Variants in FYTTD1 observed in about 807,000 individuals in gnomAD.
FYTTD1 encodes forty-two-three domain containing 1, also known as UAP56-interacting factor.
FYTTD1 carries 22 observed loss-of-function variants against 40.9 expected under a neutral mutation model. That is an observed-to-expected ratio of 0.54 (90% CI 0.38 to 0.77). The LOEUF is 0.77. Ranked by LOEUF, FYTTD1 falls within the 30% of genes least tolerant of loss-of-function variation. The probability of loss-of-function intolerance (pLI) is 0.00; values close to 1 mark genes in which losing one functional copy is unlikely to be tolerated. For synonymous variants in FYTTD1, 140 were observed against 137.9 expected, an observed-to-expected ratio of 1.01 and a Z score of -0.10; for missense variants, 351 against 392.2, an observed-to-expected ratio of 0.90 and a Z score of 0.89.
At position 197,771,281 on chromosome 3, in the gene FYTTD1, A is replaced by C. The variant is rs575546656; in HGVS notation, c.497+1037A>C. ...AGTAGATGAAGTTGATGAGGTGTGA[A>C]GTTTCCTTATTCAGTTTCAAGTATT... On this transcript the variant is annotated intron_variant, in intron 4 of 8. Transcript: ENST00000241502. 2.0e-5 allele frequency among the ~76,000 whole-genome samples: 3 copies of C among 152,316 alleles called. No individual in the cohort carries two copies. The East Asian group carries it at 5.8e-4, about 29-fold the overall frequency.
At chr3:197,755,257 A>G (rs763429581) in intron 1 of FYTTD1, among the ~76,000 whole-genome samples, 14 of 152,192 alleles carry the variant, frequency 9.2e-5, no homozygotes, top group Non-Finnish European at 1.8e-4. Context: ...GTCTGTTTCC[A>G]TCAGTACTTT....
chr3:197,749,947 C>T lies in FYTTD1; in HGVS notation c.-25C>T, dbSNP rs376413160. 1.8e-5 allele frequency: 28 copies of T among 1,513,876 alleles called. No homozygotes were observed. Among genetic ancestry groups the T allele is most frequent in the Non-Finnish European group, 2.5e-5 (28 of 1,117,298 alleles). The allele number at this position is 1,513,876 out of a possible 1,614,324, so 93.8% of individuals were successfully genotyped here. A position where few individuals can be genotyped will look rare whatever the true frequency, so the allele number is the denominator to read the frequency against. ...CTGCGACTCCGGCCTTGTCCGCGCCCGCTCTCGGCGCGACGTCTCCAGCCA... is the reference window on the plus strand; with the variant it reads ...CTGCGACTCCGGCCTTGTCCGCGCCTGCTCTCGGCGCGACGTCTCCAGCCA... On this transcript the variant is annotated 5_prime_UTR_variant, in exon 1 of 9. Coordinates refer to ENST00000241502, the MANE Select transcript of FYTTD1 (RefSeq NM_032288.7).
chr3:197,752,717 T>C (rs1318316020), intron 1 of FYTTD1, among the ~76,000 whole-genome samples: 2 of 152,234 alleles, frequency 1.3e-5, no homozygotes, highest in East Asian at 1.9e-4. Context: ...TGTATGTCTA[T>C]ATATGGCTTG....
intron 2 of FYTTD1, among the ~76,000 whole-genome samples, chr3:197,760,570 C>T (rs1378141582): frequency 6.6e-6 from 1 of 150,844 alleles, no homozygotes; most frequent in Admixed American, 6.6e-5. Context: ...GAGTGTTTTT[C>T]AATGGTAGAA....
At chr3:197,756,635 C>T (rs1275055146) in intron 2 of FYTTD1, 78 bp downstream of exon 2, 17 of 1,282,822 alleles carry the variant, frequency 1.3e-5, no homozygotes, top group East Asian at 4.6e-5. Context: ...ATATGCTTAA[C>T]GTGGAGGAAT....
At chr3:197,776,608 G>A (rs1729883014) in intron 6 of FYTTD1, among the ~76,000 whole-genome samples, 2 of 151,986 alleles carry the variant, frequency 1.3e-5, no homozygotes, top group South Asian at 4.1e-4. Context: ...TAAAAGTGCT[G>A]CCTCTGGAGA....
intron 2 of FYTTD1, among the ~76,000 whole-genome samples, chr3:197,759,952 GT>G (rs1379941793): frequency 4.8e-5 from 7 of 146,598 alleles, no homozygotes; most frequent in African/African-American, 1.9e-4. Context: ...AATGTATAGA[GT>G]TGTTCCTCAG....
At chr3:197,764,133 C>T (rs1306905076) in intron 2 of FYTTD1, among the ~76,000 whole-genome samples, 1 of 152,126 alleles carries the variant, frequency 6.6e-6, no homozygotes, top group Non-Finnish European at 1.5e-5. Flanking sequence ...TGTGGGTACT[C>T]TGGAACTCTG....
chr3:197,756,875 C>T (rs536862694), intron 2 of FYTTD1, among the ~76,000 whole-genome samples: 2 of 152,268 alleles, frequency 1.3e-5, no homozygotes, highest in Admixed American at 6.5e-5. Context: ...GTGAGATGTT[C>T]CTTTAACAGT....
intron 2 of FYTTD1, among the ~76,000 whole-genome samples, chr3:197,767,175 C>G (rs1208675124): frequency 2.0e-5 from 3 of 151,928 alleles, no homozygotes; most frequent in African/African-American, 7.2e-5. Flanking sequence ...GAGTCTCGCT[C>G]TTCGCCCAGG....
At position 197,779,285 on chromosome 3, in the gene FYTTD1, C is replaced by T. The variant is rs554524283; in HGVS notation, c.858+821C>T. On this transcript the variant is annotated intron_variant, in intron 8 of 8. Transcript: ENST00000241502. ...CAAAAATTAGCCTGGTGTGGTGGCT[C>T]ATGCCTGTAATCCCAGCTACTAAGG... 1.7e-4 allele frequency among the ~76,000 whole-genome samples: 26 copies of T among 152,094 alleles called. No individual in the cohort carries two copies. The South Asian group carries it at 5.2e-3, about 30-fold the overall frequency.
chr3:197,778,656 T>G (rs1417014434), intron 8 of FYTTD1, among the ~76,000 whole-genome samples, 192 bp downstream of exon 8: 1 of 152,252 alleles, frequency 6.6e-6, no homozygotes, highest in African/African-American at 2.4e-5. Context: ...CGGTATACAT[T>G]TGTGACTGAA....
Position 197,763,414 on chromosome 3 carries a change from CAAA to C in FYTTD1, c.236-5011_236-5009del, listed in dbSNP as rs749568528. 1,502 of 236,780 alleles carry C rather than the reference CAAA, an allele frequency of 6.3e-3. 1 individual carries two copies. The highest frequency in any genetic ancestry group is 9.7e-3 in the South Asian group (319 of 32,798). The allele number at this position is 236,780 out of a possible 1,614,324, so 14.7% of individuals were successfully genotyped here. A position where few individuals can be genotyped will look rare whatever the true frequency, so the allele number is the denominator to read the frequency against. On this transcript the variant is annotated intron_variant, in intron 2 of 8. Coordinates refer to ENST00000241502, the MANE Select transcript of FYTTD1 (RefSeq NM_032288.7). The stretch of plus-strand genomic sequence containing the variant: ...GGGCGACAGAGTGAGACTCTTGTCT[CAAA>C]AAAAAAAAAAAAAGTTTTTATTTTA...
chr3:197,753,010 A>G (rs2109034621), intron 1 of FYTTD1, among the ~76,000 whole-genome samples: 1 of 152,310 alleles, frequency 6.6e-6, no homozygotes. Context: ...ACTGAGGGGT[A>G]GTTCTCTTGG....
At position 197,776,352 on chromosome 3, in the gene FYTTD1, C is replaced by A. The variant is rs377208542; in HGVS notation, c.657-575C>A. On this transcript the variant is annotated intron_variant, in intron 6 of 8. Coordinates refer to ENST00000241502, the MANE Select transcript of FYTTD1 (RefSeq NM_032288.7). ...CCTGAGTAGCTGGGATTACAAATAC[C>A]CACCACCACACCCCACGCCCAGCTT... 6.4e-4 allele frequency among the ~76,000 whole-genome samples: 97 copies of A among 151,116 alleles called. No individual in the cohort carries two copies. In the South Asian group the frequency reaches 0.02, roughly 31 times the overall value.
At chr3:197,766,010 A>G (rs1729533487) in intron 2 of FYTTD1, among the ~76,000 whole-genome samples, 1 of 151,642 alleles carries the variant, frequency 6.6e-6, no homozygotes, top group Non-Finnish European at 1.5e-5. Context: ...AAATATGTAT[A>G]TGTATAACTG....
intron 2 of FYTTD1, among the ~76,000 whole-genome samples, chr3:197,765,438 C>T (rs975336756): frequency 6.6e-6 from 1 of 152,082 alleles, no homozygotes; most frequent in African/African-American, 2.4e-5. Flanking sequence ...CATTATTTAA[C>T]ACAAATAGCA....
At chr3:197,750,961 T>C in intron 1 of FYTTD1, 1 of 541,640 alleles carries the variant, frequency 1.8e-6, no homozygotes, top group Non-Finnish European at 2.4e-6. Context: ...TTAGCTTAGG[T>C]GGGCTAAAAG....
chr3:197,749,535 C>G, upstream of FYTTD1: 1 of 1,290,922 alleles, frequency 7.7e-7, no homozygotes, highest in Non-Finnish European at 1.0e-6. Context: ...CCTCCCGAGG[C>G]TGCGTTGCGG....
Sources: gnomAD v4.1 joint callset for allele counts (sites outside exome capture counted in the v4.1 genomes callset) on GRCh38, gnomAD v4.1.1 for gene constraint, MANE v1.5 for transcripts, NCBI Gene and HGNC (gene_info 2026-07-23, HGNC 2026-07-21) for gene names.